CTNND2: variants seen among roughly 807,000 people sequenced by gnomAD.
CTNND2 encodes catenin delta-2.
CTNND2 carries 22 observed loss-of-function variants against 144.4 expected under a neutral mutation model. The observed-to-expected ratio is 0.15, with a 90% CI of 0.11 to 0.22. The LOEUF is 0.22. CTNND2 is among the 10% of genes least tolerant of loss of function. The probability of loss-of-function intolerance (pLI) is 1.00; values close to 1 mark genes in which losing one functional copy is unlikely to be tolerated. For synonymous variants in CTNND2, 751 were observed against 695.6 expected (o/e 1.08, Z -1.25); for missense variants, 1,353 against 1,618.8 (o/e 0.84, Z 2.82).
chr5:11,118,654 T>C (rs1753791666), intron 12 of CTNND2, among the ~76,000 whole-genome samples: 1 of 152,150 alleles, frequency 6.6e-6, no homozygotes, highest in Admixed American at 6.5e-5. Flanking sequence ...GTGGTGTTCT[T>C]TGCTGAGTGC....
rs575239127 is a variant in CTNND2, at chr5:11,199,347, A to G, written c.1975+101T>C. 3 of 1,068,582 alleles carry G rather than the reference A, an allele frequency of 2.8e-6. No homozygotes were observed. In the African/African-American group the frequency reaches 4.8e-5, roughly 17 times the overall value. 66.2% of individuals were successfully genotyped at this position (1,068,582 alleles called of 1,614,324 possible). A position where few individuals can be genotyped will look rare whatever the true frequency, so the allele number is the denominator to read the frequency against. On this transcript the variant is annotated intron_variant, in intron 11 of 21. Transcript: ENST00000304623. The stretch of plus-strand genomic sequence containing the variant: ...ACATATTGAGACCGCCTATGTTATT[A>G]GAACACCACAATATTTATTTGATTA...
chr5:11,217,254 T>A (rs554006696), intron 10 of CTNND2, among the ~76,000 whole-genome samples: 1 of 152,306 alleles, frequency 6.6e-6, no homozygotes, highest in Non-Finnish European at 1.5e-5. Context: ...AACTAGCATC[T>A]TTTCAGATGA....
At chr5:11,379,078 C>A (rs754137307) in intron 7 of CTNND2, among the ~76,000 whole-genome samples, 1 of 152,076 alleles carries the variant, frequency 6.6e-6, no homozygotes, top group African/African-American at 2.4e-5. Context: ...GTCTACAACT[C>A]GTATTTCTTT....
In CTNND2 at chr5:11,645,700, T is replaced by A. The variant is rs75491100; in HGVS notation, c.175-80644A>T. ...TTTTTGTGCACTTGTAACTGTTTCA[T>A]TTTTAGACCAGGGAAATAAAAATAT... is the stretch of plus-strand genomic sequence containing the variant. On this transcript the variant is annotated intron_variant, in intron 2 of 21. Coordinates refer to ENST00000304623, the MANE Select transcript of CTNND2 (RefSeq NM_001332.4). 4.7e-3 allele frequency among the ~76,000 whole-genome samples: 723 copies of A among 152,306 alleles called. 4 individuals carry two copies. The highest frequency in any genetic ancestry group is 0.016 in the African/African-American group (677 of 41,568).
intron 3 of CTNND2, among the ~76,000 whole-genome samples, chr5:11,518,401 A>C (rs1281199600): frequency 2.0e-5 from 3 of 152,346 alleles, no homozygotes; most frequent in Admixed American, 1.3e-4. Context: ...GAATTTCTGA[A>C]GTAAAAAGTT....
intron 1 of CTNND2, among the ~76,000 whole-genome samples, chr5:11,801,872 T>C (rs1791700767): frequency 6.6e-6 from 1 of 152,228 alleles, no homozygotes; most frequent in African/African-American, 2.4e-5. Context: ...TTCTTGATCC[T>C]ATAATATTTG....
chr5:11,840,336 T>C (rs1001586449), intron 1 of CTNND2, among the ~76,000 whole-genome samples: 2 of 152,234 alleles, frequency 1.3e-5, no homozygotes, highest in Non-Finnish European at 2.9e-5. Flanking sequence ...TACTACTATG[T>C]ATTGAAGATA....
At chr5:11,238,167 C>G (rs1405468453) in intron 9 of CTNND2, among the ~76,000 whole-genome samples, 1 of 152,140 alleles carries the variant, frequency 6.6e-6, no homozygotes, top group Non-Finnish European at 1.5e-5. Flanking sequence ...TTAGACCATG[C>G]TGCTAACAGG....
intron 6 of CTNND2, among the ~76,000 whole-genome samples, chr5:11,391,108 G>C (rs962386634): frequency 3.6e-5 from 5 of 140,754 alleles, no homozygotes; most frequent in African/African-American, 2.7e-5. Context: ...ACAAGGACAT[G>C]AGAAAGTAAA....
chr5:11,352,255 C>T (rs1451755752), intron 8 of CTNND2, among the ~76,000 whole-genome samples: 3 of 152,092 alleles, frequency 2.0e-5, no homozygotes, highest in Non-Finnish European at 4.4e-5. Flanking sequence ...CCAGAACAGG[C>T]CAAACATGCC....
At chr5:11,048,342 C>T (rs1745496069) in intron 16 of CTNND2, among the ~76,000 whole-genome samples, 1 of 152,154 alleles carries the variant, frequency 6.6e-6, no homozygotes. Flanking sequence ...AGGGTAGCTG[C>T]CTTCAGAGAT....
chr5:11,369,085 TAAC>T (rs959681501), intron 7 of CTNND2, among the ~76,000 whole-genome samples: 5 of 152,236 alleles, frequency 3.3e-5, no homozygotes, highest in East Asian at 1.9e-4. Flanking sequence ...ATAATCTAAA[TAAC>T]AACCATTTTT....
At chr5:11,492,535 G>A (rs1255179308) in intron 3 of CTNND2, among the ~76,000 whole-genome samples, 2 of 143,596 alleles carry the variant, frequency 1.4e-5, no homozygotes, top group South Asian at 2.3e-4. Flanking sequence ...GTGTGTGTGT[G>A]TATGTGTGTG....
At chr5:11,460,779 C>CA (rs1766135794) in intron 3 of CTNND2, among the ~76,000 whole-genome samples, 2 of 152,128 alleles carry the variant, frequency 1.3e-5, no homozygotes, top group Non-Finnish European at 2.9e-5. Context: ...TGGCCAGGAA[C>CA]TGTGGCTCAT....
At chr5:11,820,969 C>T (rs1793277681) in intron 1 of CTNND2, among the ~76,000 whole-genome samples, 1 of 152,214 alleles carries the variant, frequency 6.6e-6, no homozygotes, top group Non-Finnish European at 1.5e-5. Context: ...CTAGACACCA[C>T]TGGTCAAACT....
At chr5:10,975,280 T>C (rs899594092) in intron 21 of CTNND2, among the ~76,000 whole-genome samples, 6 of 152,284 alleles carry the variant, frequency 3.9e-5, no homozygotes, top group East Asian at 3.9e-4. Context: ...ATCTAGAAGT[T>C]TGGAAAAATT....
chr5:11,439,558 G>T (rs31828), intron 3 of CTNND2, among the ~76,000 whole-genome samples: 7,303 of 152,048 alleles, frequency 0.048, 571 homozygotes, highest in African/African-American at 0.16. Context: ...TTGAAACAAG[G>T]GTCTCACTCT....
chr5:11,694,796 A>G (rs1785070072), intron 2 of CTNND2, among the ~76,000 whole-genome samples: 1 of 152,208 alleles, frequency 6.6e-6, no homozygotes, highest in Non-Finnish European at 1.5e-5. Context: ...ACTGTCATAA[A>G]TATTTCTTTT....
rs376010155 is a variant in CTNND2, at chr5:11,088,777, T to G, written c.2638-5931A>C. Reference sequence around the variant, plus strand: ...ACAGTGCAATTATATTTTACTAAGATAGTGTGTTTTATTTTCTAATAGTCT... The same window carrying G: ...ACAGTGCAATTATATTTTACTAAGAGAGTGTGTTTTATTTTCTAATAGTCT... On this transcript the variant is annotated intron_variant, in intron 15 of 21. Coordinates refer to ENST00000304623, the MANE Select transcript of CTNND2 (RefSeq NM_001332.4). 1.4e-4 allele frequency among the ~76,000 whole-genome samples: 22 copies of G among 152,298 alleles called. 1 individual carries two copies. In the East Asian group the frequency reaches 3.9e-3, roughly 27 times the overall value.
Sources: allele counts gnomAD v4.1 joint callset (sites outside exome capture counted in the v4.1 genomes callset), GRCh38; gene constraint gnomAD v4.1.1; transcripts MANE v1.5; gene names NCBI Gene and HGNC (gene_info 2026-07-23, HGNC 2026-07-21).